Variants in PPP1R9A observed in about 807,000 individuals in gnomAD.
PPP1R9A encodes protein phosphatase 1 regulatory subunit 9A.
PPP1R9A carries 59 observed loss-of-function variants against 141.9 expected under a neutral mutation model. The observed-to-expected ratio is 0.42, with a 90% CI of 0.34 to 0.52. The LOEUF is 0.52. PPP1R9A is among the 20% of genes least tolerant of loss of function. The pLI is 0.10. For missense variants in PPP1R9A, 1,444 were observed against 1,611.9 expected (o/e 0.90, Z 1.78); for synonymous variants, 500 against 569.7 (o/e 0.88, Z 1.74).
chr7:95,101,100 C>T (rs1246528167), intron 2 of PPP1R9A, among the ~76,000 whole-genome samples: 1 of 151,948 alleles, frequency 6.6e-6, no homozygotes, highest in East Asian at 1.9e-4. Context: ...GATCCGCCCG[C>T]CTCGGCCTCC....
At chr7:94,954,834 C>CGT (rs66968535) in intron 2 of PPP1R9A, among the ~76,000 whole-genome samples, 5,407 of 146,360 alleles carry the variant, frequency 0.037, 121 homozygotes, top group Middle Eastern at 0.062. Context: ...TGTAAATATG[C>CGT]GTGTGTGTGT....
chr7:94,931,057 T>C (rs1794095301), intron 2 of PPP1R9A, among the ~76,000 whole-genome samples: 1 of 152,230 alleles, frequency 6.6e-6, no homozygotes, highest in Admixed American at 6.5e-5. Context: ...TTTCTTTTTT[T>C]CCTTTGCAGA....
Position 94,910,057 on chromosome 7 carries a change from T to A in PPP1R9A, c.-57T>A. 2 of 1,479,648 alleles carry A rather than the reference T, an allele frequency of 1.4e-6. No homozygotes were observed. 91.7% of individuals were successfully genotyped at this position (1,479,648 alleles called of 1,614,324 possible). A position where few individuals can be genotyped will look rare whatever the true frequency, so the allele number is the denominator to read the frequency against. On this transcript the variant is annotated 5_prime_UTR_variant, in exon 2 of 20. Coordinates refer to ENST00000433360, the MANE Select transcript of PPP1R9A (RefSeq NM_001166160.2). The surrounding 1 kb of genome is among the most constrained non-coding windows in gnomAD (Gnocchi z 4.5). ...TGATTAGAGAAGAGAGGTATCTTGG[T>A]TTTTGGTTTTTTTCTTTGATCATTA...
chr7:95,260,625 A>G (rs1199616237), intron 12 of PPP1R9A, among the ~76,000 whole-genome samples: 3 of 151,186 alleles, frequency 2.0e-5, no homozygotes, highest in African/African-American at 7.3e-5. Flanking sequence ...GTTGCAGTGA[A>G]CCAAGATAGT....
chr7:95,079,848 A>C (rs1206762185), intron 2 of PPP1R9A, among the ~76,000 whole-genome samples: 1 of 152,238 alleles, frequency 6.6e-6, no homozygotes. Context: ...CCGCATGATT[A>C]TCTCAATAGA....
intron 2 of PPP1R9A, among the ~76,000 whole-genome samples, chr7:95,065,609 G>A (rs1409091464): frequency 6.6e-6 from 1 of 152,088 alleles, no homozygotes; most frequent in African/African-American, 2.4e-5. Context: ...GTCATCACTG[G>A]ATTAAGCTGA....
intron 2 of PPP1R9A, among the ~76,000 whole-genome samples, chr7:94,978,579 T>C (rs904446790): frequency 6.6e-5 from 10 of 152,340 alleles, no homozygotes; most frequent in African/African-American, 2.4e-4. Context: ...TTGATCTTTT[T>C]TTTGTGGGCT....
At chr7:95,071,669 G>T (rs1377183997) in intron 2 of PPP1R9A, among the ~76,000 whole-genome samples, 1 of 151,716 alleles carries the variant, frequency 6.6e-6, no homozygotes, top group Non-Finnish European at 1.5e-5. Context: ...AAAAGAAAAT[G>T]TTTTATTATA....
At chr7:95,095,403 T>C (rs984895202) in intron 2 of PPP1R9A, among the ~76,000 whole-genome samples, 1 of 152,208 alleles carries the variant, frequency 6.6e-6, no homozygotes, top group Non-Finnish European at 1.5e-5. Context: ...AATCCTATAC[T>C]AACGGAAGTG....
intron 5 of PPP1R9A, among the ~76,000 whole-genome samples, chr7:95,168,199 A>C (rs188356025): frequency 1.1e-3 from 174 of 152,334 alleles, no homozygotes; most frequent in Middle Eastern, 3.4e-3. Flanking sequence ...ACAGAAACAC[A>C]GACCAATAAA....
rs1412766985 is a variant in PPP1R9A at position 95,269,278 on chromosome 7, T to C, written c.2895T>C (p.Ser965=). 1.3e-6 allele frequency: 2 copies of C among 1,584,424 alleles called. No individual in the cohort carries two copies. The highest frequency in any genetic ancestry group is 1.7e-5 in the Admixed American group (1 of 59,846). The part of the protein sequence containing the change: ...LLPPKGLRTS[S]PESDSGVPPL... ...CACCTAAGGGTTTGAGAACGTCTTC[T>C]CCAGAATCAGATTCTGGTGTTCCAC... The change falls in exon 14 of 20, where the codon TCT becomes TCC. Residue 965 remains serine, a synonymous_variant. Transcript: ENST00000433360.
At chr7:95,216,838 A>G (rs1446675299) in intron 7 of PPP1R9A, among the ~76,000 whole-genome samples, 3 of 152,170 alleles carry the variant, frequency 2.0e-5, no homozygotes, top group Non-Finnish European at 1.5e-5. Flanking sequence ...ACTTTGCTGA[A>G]GTTGTTTATC....
At chr7:94,969,321 G>A (rs1267174127) in intron 2 of PPP1R9A, among the ~76,000 whole-genome samples, 1 of 152,008 alleles carries the variant, frequency 6.6e-6, no homozygotes, top group Non-Finnish European at 1.5e-5. Context: ...CTTTGGATGG[G>A]GTTTCTGTGT....
chr7:95,207,876 A>G (rs1392871700), intron 7 of PPP1R9A, among the ~76,000 whole-genome samples: 3 of 152,222 alleles, frequency 2.0e-5, no homozygotes, highest in Non-Finnish European at 2.9e-5. Flanking sequence ...CAAGACTTCA[A>G]GACATAAATG....
Position 95,015,294 on chromosome 7 carries a change from C to T in PPP1R9A, c.1396-95965C>T, listed in dbSNP as rs115602740. On this transcript the variant is annotated intron_variant, in intron 2 of 19. Coordinates refer to ENST00000433360, the MANE Select transcript of PPP1R9A (RefSeq NM_001166160.2). ...CATATATATCTGTTTCTGTGTTGAT[C>T]TATCTATATTTAAAAATCTACAGTG... Among the ~76,000 whole-genome samples the T allele has an allele frequency of 7.4e-3, 1,120 of 151,740 alleles. 18 individuals carry two copies. Among genetic ancestry groups the T allele is most frequent in the African/African-American group, 0.025 (1,045 of 41,376 alleles).
chr7:95,157,231 G>A (rs759430538), intron 4 of PPP1R9A, among the ~76,000 whole-genome samples: 7 of 151,390 alleles, frequency 4.6e-5, no homozygotes, highest in African/African-American at 7.4e-5. Flanking sequence ...GCCTGCAGGG[G>A]CAGGGGGGCC....
intron 2 of PPP1R9A, among the ~76,000 whole-genome samples, chr7:95,004,425 T>A (rs562610917): frequency 6.6e-6 from 1 of 152,274 alleles, no homozygotes; most frequent in East Asian, 1.9e-4. Flanking sequence ...TAAAAATCTT[T>A]AAAGAAAGCT....
intron 2 of PPP1R9A, among the ~76,000 whole-genome samples, chr7:95,002,526 G>A (rs762237628): frequency 1.3e-5 from 2 of 152,140 alleles, no homozygotes; most frequent in Non-Finnish European, 2.9e-5. Context: ...CTTTTAGGGA[G>A]GTGAGGAGAG....
At chr7:95,249,825 C>A (rs1277972275) in intron 9 of PPP1R9A, among the ~76,000 whole-genome samples, 3 of 152,110 alleles carry the variant, frequency 2.0e-5, no homozygotes, top group African/African-American at 7.2e-5. Flanking sequence ...AATGTGTGAC[C>A]TTGGACAAAT....
Sources: gnomAD v4.1 joint callset for allele counts (sites outside exome capture counted in the v4.1 genomes callset) on GRCh38, gnomAD v4.1.1 for gene constraint, Gnocchi (gnomAD v3.1) non-coding constraint, MANE v1.5 for transcripts, NCBI Gene and HGNC (gene_info 2026-07-23, HGNC 2026-07-21) for gene names.